WDR41: variants seen among roughly 807,000 people sequenced by gnomAD.
WDR41 encodes WD repeat domain 41.
A neutral mutation model predicts 69.3 loss-of-function variants in WDR41; 63 were observed. The observed-to-expected ratio is 0.91, with a 90% CI of 0.74 to 1.12. WDR41 has a LOEUF of 1.12. Among genes scored for constraint, WDR41 ranks in the 50% most tolerant of loss-of-function variants. The probability of loss-of-function intolerance (pLI) is 0.00; values close to 1 mark genes in which losing one functional copy is unlikely to be tolerated. For missense variants in WDR41, 543 were observed against 534.5 expected (o/e 1.02, Z -0.16); for synonymous variants, 185 against 192.1 (o/e 0.96, Z 0.31).
rs72770917 is a variant in WDR41 at position 77,530,326 on chromosome 5, T to C, written c.43-40754A>G. Among the ~76,000 whole-genome samples, 1,450 of 151,756 alleles carry C rather than the reference T, an allele frequency of 9.6e-3. 8 individuals carry two copies. The highest frequency in any genetic ancestry group is 0.024 in the South Asian group (118 of 4,826). On this transcript the variant is annotated intron_variant, in intron 1 of 5. Coordinates refer to the WDR41 transcript ENST00000509971. ...CCAGAAAAAGACTTGGACAAGAATGTTGATTGCATCTTTATTAATAAGAGC... is the reference window on the plus strand; with the variant it reads ...CCAGAAAAAGACTTGGACAAGAATGCTGATTGCATCTTTATTAATAAGAGC...
chr5:77,469,903 A>G (rs370987750), intron 2 of WDR41, among the ~76,000 whole-genome samples: 19 of 152,124 alleles, frequency 1.2e-4, no homozygotes, highest in African/African-American at 2.7e-4. Context: ...GCAGGCCAAC[A>G]TTCAGATTCA....
Position 77,463,131 on chromosome 5 carries a change from T to C in WDR41, c.312A>G (p.Gln104=), listed in dbSNP as rs756777440. 5.6e-6 allele frequency: 9 copies of C among 1,612,482 alleles called. No individual in the cohort carries two copies. Among genetic ancestry groups the C allele is most frequent in the Admixed American group, 5.0e-5 (3 of 59,800 alleles). The part of the protein sequence containing the change: ...PSLESCEEKN[Q]LILTASADRT... Reference sequence around the variant, plus strand: ...TATCAGCAGAGGCTGTCAAGATGAGTTGATTTTTCTCTTCACAAGATTCCA... The same window carrying C: ...TATCAGCAGAGGCTGTCAAGATGAGCTGATTTTTCTCTTCACAAGATTCCA... The change falls in exon 4 of 13, where the codon CAA becomes CAG. Residue 104 remains glutamine, a synonymous_variant. Coordinates refer to ENST00000296679, the MANE Select transcript of WDR41 (RefSeq NM_018268.4).
chr5:77,466,609 C>T (rs1800318901), intron 2 of WDR41, among the ~76,000 whole-genome samples: 1 of 151,844 alleles, frequency 6.6e-6, no homozygotes, highest in Non-Finnish European at 1.5e-5. Context: ...TGACTGAGAA[C>T]AGCTGAGAGT....
In WDR41 at chr5:77,601,648, A is replaced by G. The variant is rs1744325533; in HGVS notation, c.42+18831T>C. 2.0e-5 allele frequency among the ~76,000 whole-genome samples: 3 copies of G among 152,092 alleles called. No homozygotes were observed. The South Asian group carries it at 6.2e-4, about 32-fold the overall frequency. On this transcript the variant is annotated intron_variant, in intron 1 of 5. Coordinates refer to the WDR41 transcript ENST00000509971. The stretch of plus-strand genomic sequence containing the variant: ...GTTTCTGCTGCTTCAATATGAAGCT[A>G]CTTTTCTAAACGCAGCTACACTCTC...
intron 1 of WDR41, among the ~76,000 whole-genome samples, chr5:77,508,062 C>T (rs1802139371): frequency 6.6e-6 from 1 of 152,102 alleles, no homozygotes; most frequent in African/African-American, 2.4e-5. Context: ...TTGGTTATTT[C>T]ACTTTTTGAC....
At chr5:77,482,303 CT>C (rs1369101517) in intron 2 of WDR41, among the ~76,000 whole-genome samples, 1 of 152,156 alleles carries the variant, frequency 6.6e-6, no homozygotes, top group Non-Finnish European at 1.5e-5. Context: ...CATTTACTTC[CT>C]TAATGTCATC....
In WDR41 at chr5:77,492,185, C is replaced by A; in HGVS notation, c.36G>T (p.Pro12=). The change falls in exon 1 of 13, where the codon CCG becomes CCT. Residue 12 remains proline (P), a synonymous_variant. Coordinates refer to ENST00000296679, the MANE Select transcript of WDR41 (RefSeq NM_018268.4). ...CGGGGTTTACCTCGGCCAGTCCCTG[C>A]GGTTCTCGGCCTCCCCCGATCAGCC... ...LRWLIGGGRE[P]QGLAEKSPLQ... 6.2e-7 allele frequency: 1 copy of A among 1,612,290 alleles called. No homozygotes were observed. The highest frequency in any genetic ancestry group is 1.1e-5 in the South Asian group (1 of 90,654).
rs1366501046 is a variant in WDR41 at position 77,581,449 on chromosome 5, T to G, written c.42+39030A>C. ...CACTTTTAATAATGGATAGAACAAC[T>G]AGACAGAAAATCAACAAGAAGACAG... On this transcript the variant is annotated intron_variant, in intron 1 of 5. Coordinates refer to the WDR41 transcript ENST00000509971. Among the ~76,000 whole-genome samples, 4 of 152,160 alleles carry G rather than the reference T, an allele frequency of 2.6e-5. No homozygotes were observed. In the East Asian group the frequency reaches 7.7e-4, roughly 29 times the overall value.
chr5:77,616,574 C>T (rs554256737), intron 1 of WDR41, among the ~76,000 whole-genome samples: 2 of 152,248 alleles, frequency 1.3e-5, no homozygotes, highest in South Asian at 2.1e-4. Context: ...GCTATGACAT[C>T]GCTGGAGAAA....
chr5:77,590,187 G>A (rs1744111228), intron 1 of WDR41, among the ~76,000 whole-genome samples: 1 of 152,114 alleles, frequency 6.6e-6, no homozygotes, highest in East Asian at 1.9e-4. Context: ...CAACTTGATT[G>A]TGGTATATTA....
chr5:77,600,394 C>G (rs950056837), intron 1 of WDR41, among the ~76,000 whole-genome samples: 1 of 152,016 alleles, frequency 6.6e-6, no homozygotes, highest in Non-Finnish European at 1.5e-5. Flanking sequence ...CTGGAAAAGA[C>G]GAAACATTTA....
intron 1 of WDR41, among the ~76,000 whole-genome samples, chr5:77,616,897 C>G (rs531769574): frequency 6.6e-6 from 1 of 152,160 alleles, no homozygotes; most frequent in Non-Finnish European, 1.5e-5. Context: ...CTTCCCCATC[C>G]TATCCCATTA....
chr5:77,612,696 G>A (rs1174499555), intron 1 of WDR41, among the ~76,000 whole-genome samples: 2 of 152,024 alleles, frequency 1.3e-5, no homozygotes, highest in East Asian at 3.9e-4. Flanking sequence ...CAAACTGAAT[G>A]GGCAAAAACT....
At chr5:77,552,645 G>A (rs530110241) in intron 1 of WDR41, among the ~76,000 whole-genome samples, 1 of 152,258 alleles carries the variant, frequency 6.6e-6, no homozygotes, top group Non-Finnish European at 1.5e-5. Context: ...TATTAAGCCT[G>A]GCTATATAAT....
intron 7 of WDR41, 29 bp downstream of exon 7, chr5:77,451,262 T>C (rs335609): frequency 0.55 from 883,065 of 1,609,376 alleles, 249,267 homozygotes; most frequent in African/African-American, 0.84. Context: ...TCGTTCAAAA[T>C]ACACAAAAAG....
chr5:77,540,261 G>A (rs1743063577), intron 1 of WDR41, among the ~76,000 whole-genome samples: 1 of 152,178 alleles, frequency 6.6e-6, no homozygotes, highest in Non-Finnish European at 1.5e-5. Flanking sequence ...ATATGCAATA[G>A]CAGCAGAAGC....
At chr5:77,478,278 C>T (rs1425781683) in intron 2 of WDR41, among the ~76,000 whole-genome samples, 1 of 152,164 alleles carries the variant, frequency 6.6e-6, no homozygotes, top group Non-Finnish European at 1.5e-5. Flanking sequence ...CCTTCTGAAA[C>T]TATTCCAATC....
intron 1 of WDR41, among the ~76,000 whole-genome samples, chr5:77,508,895 C>T (rs370289187): frequency 6.0e-4 from 91 of 152,294 alleles, no homozygotes; most frequent in African/African-American, 2.0e-3. Flanking sequence ...GGGCTCTCTT[C>T]GTTTATCTGA....
intron 12 of WDR41, among the ~76,000 whole-genome samples, chr5:77,434,811 G>T (rs1158166722): frequency 6.6e-6 from 1 of 152,052 alleles, no homozygotes; most frequent in African/African-American, 2.4e-5. Flanking sequence ...CTTTCACTCA[G>T]GAAAATTCCT....
Sources: gnomAD v4.1 joint callset for allele counts (sites outside exome capture counted in the v4.1 genomes callset) on GRCh38, gnomAD v4.1.1 for gene constraint, MANE v1.5 for transcripts, NCBI Gene and HGNC (gene_info 2026-07-23, HGNC 2026-07-21) for gene names.